PCTP: variants seen among roughly 807,000 people sequenced by gnomAD.
The protein encoded by PCTP is phosphatidylcholine transfer protein, also known as START domain-containing protein 2.
A neutral mutation model predicts 31.0 loss-of-function variants in PCTP; 27 were observed. The observed-to-expected ratio is 0.87, with a 90% CI of 0.64 to 1.20. The LOEUF is 1.20. Ranked by LOEUF, PCTP falls within the 50% of genes most tolerant of loss-of-function variation. The pLI, the probability that PCTP is intolerant of heterozygous loss-of-function variation, is 0.00. For synonymous variants in PCTP, 108 were observed against 101.2 expected, an observed-to-expected ratio of 1.07 and a Z score of -0.40; for missense variants, 287 against 268.2, an observed-to-expected ratio of 1.07 and a Z score of -0.49.
chr17:55,751,565 G>C, intron 1 of PCTP: 1 of 1,373,626 alleles, frequency 7.3e-7, no homozygotes, highest in Non-Finnish European at 9.6e-7. Context: ...ACGTCTGCAA[G>C]GGACGTTGAT....
intron 3 of PCTP, among the ~76,000 whole-genome samples, chr17:55,803,657 A>G (rs1598007783): frequency 6.6e-6 from 1 of 152,312 alleles, no homozygotes; most frequent in East Asian, 1.9e-4. Context: ...GGCTAGCCAT[A>G]TGCAGAAAAC....
At chr17:55,819,740 C>A (rs911168434) in intron 3 of PCTP, among the ~76,000 whole-genome samples, 2 of 151,940 alleles carry the variant, frequency 1.3e-5, no homozygotes, top group South Asian at 2.1e-4. Context: ...TGAGACCCTG[C>A]CTAAAAAAAT....
At chr17:55,847,694 G>A (rs1033250620), downstream of PCTP, among the ~76,000 whole-genome samples, 4 of 152,160 alleles carry the variant, frequency 2.6e-5, no homozygotes, top group South Asian at 6.2e-4. Flanking sequence ...AAGAGGTGAT[G>A]TTTCAGTTTG....
chr17:55,851,972 C>T, the PCTP span, among the ~76,000 whole-genome samples: 3,326 of 152,032 alleles, frequency 0.022, 125 homozygotes, highest in African/African-American at 0.075. Flanking sequence ...ACTTTTATTA[C>T]GTATATATCA....
chr17:55,777,912 G>A (rs566664201), downstream of PCTP, among the ~76,000 whole-genome samples: 69 of 152,244 alleles, frequency 4.5e-4, no homozygotes, highest in African/African-American at 1.5e-3. Context: ...CTTATGAATA[G>A]ATTATTTGAA....
chr17:55,851,140 T>C, the PCTP span, among the ~76,000 whole-genome samples: 1 of 152,178 alleles, frequency 6.6e-6, no homozygotes, highest in African/African-American at 2.4e-5. Flanking sequence ...GCTCTGGCCA[T>C]TGATGCCAAA....
intron 3 of PCTP, among the ~76,000 whole-genome samples, chr17:55,816,547 A>G (rs1233109536): frequency 6.6e-6 from 1 of 152,238 alleles, no homozygotes; most frequent in Non-Finnish European, 1.5e-5. Context: ...AAGACCTCAT[A>G]TGCCATTACC....
intron 3 of PCTP, among the ~76,000 whole-genome samples, chr17:55,789,623 T>A (rs1911880886): frequency 6.6e-6 from 1 of 152,152 alleles, no homozygotes; most frequent in African/African-American, 2.4e-5. Flanking sequence ...CTAAATCCCT[T>A]CCTTCAGGTC....
downstream of PCTP, among the ~76,000 whole-genome samples, chr17:55,844,766 C>A (rs1394504625): frequency 6.6e-6 from 1 of 152,122 alleles, no homozygotes. Flanking sequence ...ATGGTAACTT[C>A]CACCTCACAG....
intron 1 of PCTP, among the ~76,000 whole-genome samples, chr17:55,755,245 G>A (rs1285772006): frequency 6.6e-6 from 1 of 152,178 alleles, no homozygotes; most frequent in African/African-American, 2.4e-5. Flanking sequence ...TTGCCACTGT[G>A]TGGTACGAGC....
intron 3 of PCTP, among the ~76,000 whole-genome samples, chr17:55,802,948 A>G (rs578204948): frequency 3.9e-5 from 6 of 152,334 alleles, no homozygotes; most frequent in East Asian, 1.9e-4. Context: ...ATGATTGTAT[A>G]TTAAGCAAAC....
chr17:55,804,107 A>G (rs377279397), intron 3 of PCTP, among the ~76,000 whole-genome samples: 2 of 152,246 alleles, frequency 1.3e-5, no homozygotes, highest in South Asian at 2.1e-4. Flanking sequence ...AACATATGAA[A>G]AAAAGATCAT....
At chr17:55,778,466 C>T (rs986872028), downstream of PCTP, among the ~76,000 whole-genome samples, 1 of 152,114 alleles carries the variant, frequency 6.6e-6, no homozygotes, top group African/African-American at 2.4e-5. Flanking sequence ...ATAGTAGGCA[C>T]TCGAATGGTG....
At chr17:55,792,197 C>G (rs1459624308) in intron 3 of PCTP, among the ~76,000 whole-genome samples, 1 of 148,516 alleles carries the variant, frequency 6.7e-6, no homozygotes, top group Non-Finnish European at 1.5e-5. Context: ...GGGAGATATA[C>G]CTAATGCTAG....
the PCTP span, among the ~76,000 whole-genome samples, chr17:55,848,156 C>G: frequency 1.3e-5 from 2 of 152,166 alleles, no homozygotes; most frequent in Non-Finnish European, 2.9e-5. Flanking sequence ...AACTCTTGAC[C>G]TCCTCAGCCT....
intron 1 of PCTP, among the ~76,000 whole-genome samples, chr17:55,764,080 T>C (rs758835356): frequency 7.2e-5 from 11 of 152,228 alleles, no homozygotes; most frequent in Non-Finnish European, 1.3e-4. Context: ...CTTCCTGTTC[T>C]CATTGTCTGT....
rs908294713 is a variant in PCTP at position 55,776,851 on chromosome 17, A to G, written c.*751A>G. On this transcript the variant is annotated 3_prime_UTR_variant, in exon 6 of 6. Transcript: ENST00000268896. ...CTCTTTTCCATATGTCACTGGGGGA[A>G]AGGCTGCCTGTACCTCTCAAGCTTT... 5.0e-6 allele frequency: 5 copies of G among 1,003,458 alleles called. No individual in the cohort carries two copies. The highest frequency in any genetic ancestry group is 4.7e-5 in the South Asian group (1 of 21,426). 62.2% of individuals were successfully genotyped at this position (1,003,458 alleles called of 1,614,324 possible). A position where few individuals can be genotyped will look rare whatever the true frequency, so the allele number is the denominator to read the frequency against.
chr17:55,782,154 G>A (rs549241798), downstream of PCTP, among the ~76,000 whole-genome samples: 1 of 152,324 alleles, frequency 6.6e-6, no homozygotes, highest in South Asian at 2.1e-4. Context: ...AGGAGGCATT[G>A]CCCCTTCCTC....
chr17:55,838,076 G>A (rs564026287), intron 5 of PCTP, among the ~76,000 whole-genome samples: 1 of 152,206 alleles, frequency 6.6e-6, no homozygotes, highest in East Asian at 1.9e-4. Context: ...AGGAGATTGA[G>A]GCTGCAGTGA....
Sources: gnomAD v4.1 joint callset for allele counts (sites outside exome capture counted in the v4.1 genomes callset) on GRCh38, gnomAD v4.1.1 for gene constraint, MANE v1.5 for transcripts, NCBI Gene and HGNC (gene_info 2026-07-23, HGNC 2026-07-21) for gene names.